JMY: variants seen among roughly 807,000 people sequenced by gnomAD.
JMY encodes the protein junction-mediating and -regulatory protein.
JMY carries 46 observed loss-of-function variants against 103.3 expected under a neutral mutation model. That is an observed-to-expected ratio of 0.45 (90% CI 0.35 to 0.57). The LOEUF (loss-of-function observed/expected upper bound fraction) is 0.57, where lower values mean the gene tolerates loss of function less well. Among genes scored for constraint, JMY ranks in the 20% least tolerant of loss-of-function variants. The pLI, the probability that JMY is intolerant of heterozygous loss-of-function variation, is 0.00. For missense variants in JMY, 1,238 were observed against 1,255.2 expected, an observed-to-expected ratio of 0.99 and a Z score of 0.21; for synonymous variants, 526 against 489.3, an observed-to-expected ratio of 1.07 and a Z score of -0.99.
In JMY at chr5:79,291,371, T is replaced by G; in HGVS notation, c.1527+72T>G. On this transcript the variant is annotated intron_variant, in intron 4 of 10. Transcript: ENST00000396137. ...GTCATTTTAATCTTTGCACAAGACA[T>G]TTTTTTGATTCGATAGGCAGTGATT... The G allele has an allele frequency of 7.5e-6, 10 of 1,329,968 alleles. No individual in the cohort carries two copies. In the South Asian group the frequency reaches 1.6e-4, roughly 21 times the overall value. The allele number at this position is 1,329,968 out of a possible 1,614,324, so 82.4% of individuals were successfully genotyped here.
intron 9 of JMY, among the ~76,000 whole-genome samples, chr5:79,315,465 A>G (rs575704218): frequency 1.1e-4 from 17 of 152,190 alleles, no homozygotes; most frequent in South Asian, 1.0e-3. Flanking sequence ...TGCATTTTGC[A>G]TGGGGAGAAC....
chr5:79,313,416 C>T (rs1294082037), intron 8 of JMY, among the ~76,000 whole-genome samples: 1 of 151,912 alleles, frequency 6.6e-6, no homozygotes, highest in African/African-American at 2.4e-5. Context: ...GAGACCCTGT[C>T]TCAAAAACAA....
intron 1 of JMY, among the ~76,000 whole-genome samples, chr5:79,271,232 A>G (rs770995411): frequency 2.7e-5 from 4 of 150,104 alleles, no homozygotes; most frequent in Non-Finnish European, 4.4e-5. Flanking sequence ...GAGTCTCGCT[A>G]TGTTGCTCAG....
At chr5:79,259,746 G>A (rs1286026898) in intron 1 of JMY, among the ~76,000 whole-genome samples, 1 of 152,246 alleles carries the variant, frequency 6.6e-6, no homozygotes, top group Non-Finnish European at 1.5e-5. Context: ...ACTTTGCCTT[G>A]TGAGTGGAAC....
rs1164128974 is a variant in JMY at position 79,236,600 on chromosome 5, C to CGGGCG, written c.-48_-44dup. 3.0e-6 allele frequency: 4 copies of CGGGCG among 1,319,938 alleles called. No homozygotes were observed. The highest frequency in any genetic ancestry group is 2.2e-5 in the South Asian group (1 of 46,502). 81.8% of individuals were successfully genotyped at this position (1,319,938 alleles called of 1,614,324 possible). ...CGCGGCGCAGCCAGCGGGGAGTCCT[C>CGGGCG]GGGCGGGCCGGGCCGGCGGCCCTTC... On this transcript the variant is annotated 5_prime_UTR_variant, in exon 1 of 11. Transcript: ENST00000396137.
chr5:79,308,111 T>G (rs1236320074), intron 7 of JMY, among the ~76,000 whole-genome samples: 2 of 152,320 alleles, frequency 1.3e-5, no homozygotes, highest in East Asian at 3.9e-4. Flanking sequence ...TATTTTGGCT[T>G]ACACTCCTTT....
Position 79,265,494 on chromosome 5 carries a change from A to G in JMY, c.1033-12416A>G, listed in dbSNP as rs555401572. ...TGTAACAAGTTCCTAGGTGACACCA[A>G]TGTTGCTGGTCCCAGACCATACTTT... On this transcript the variant is annotated intron_variant, in intron 1 of 10. Coordinates refer to ENST00000396137, the MANE Select transcript of JMY (RefSeq NM_152405.5). Among the ~76,000 whole-genome samples the G allele has an allele frequency of 7.2e-5, 11 of 152,258 alleles. No homozygotes were observed. The East Asian group carries it at 9.7e-4, about 13-fold the overall frequency.
intron 1 of JMY, among the ~76,000 whole-genome samples, chr5:79,253,077 G>GT (rs1426813085): frequency 6.6e-6 from 1 of 151,970 alleles, no homozygotes; most frequent in Non-Finnish European, 1.5e-5. Flanking sequence ...TCCATTGTAT[G>GT]TTTTTTATGT....
chr5:79,284,057 TTTTA>T (rs1264559256), intron 2 of JMY: 74 of 1,004,702 alleles, frequency 7.4e-5, no homozygotes, highest in Non-Finnish European at 9.4e-5. Context: ...ACTTTCTTTT[TTTTA>T]TTTTTTTATT....
chr5:79,264,121 G>C (rs1378934422), intron 1 of JMY, among the ~76,000 whole-genome samples: 1 of 151,672 alleles, frequency 6.6e-6, no homozygotes, highest in Non-Finnish European at 1.5e-5. Context: ...GTCTCACTCT[G>C]GTTGCCCAGG....
chr5:79,272,936 C>T (rs1241448928), intron 1 of JMY, among the ~76,000 whole-genome samples: 2 of 152,156 alleles, frequency 1.3e-5, no homozygotes, highest in African/African-American at 2.4e-5. Context: ...GCACCCAGCC[C>T]ATCTTATACT....
chr5:79,265,092 A>G (rs980711589), intron 1 of JMY, among the ~76,000 whole-genome samples: 2 of 151,876 alleles, frequency 1.3e-5, no homozygotes, highest in African/African-American at 4.8e-5. Context: ...TGCCTGGCTA[A>G]TTTTTTGTAT....
At chr5:79,320,109 A>G (rs1747400584) in intron 10 of JMY, among the ~76,000 whole-genome samples, 1 of 151,984 alleles carries the variant, frequency 6.6e-6, no homozygotes, top group African/African-American at 2.4e-5. Context: ...GTGAACTTTA[A>G]GTTTCAGGCC....
intron 1 of JMY, among the ~76,000 whole-genome samples, chr5:79,243,863 G>C (rs969186018): frequency 6.6e-6 from 1 of 152,122 alleles, no homozygotes; most frequent in Non-Finnish European, 1.5e-5. Flanking sequence ...CTAGTTTAGG[G>C]CTTCTATAAA....
At chr5:79,269,976 C>T (rs1745696074) in intron 1 of JMY, among the ~76,000 whole-genome samples, 1 of 151,980 alleles carries the variant, frequency 6.6e-6, no homozygotes. Flanking sequence ...AGTGATTCTC[C>T]TGCCTCTGCC....
At chr5:79,307,299 A>C (rs2112113193) in intron 7 of JMY, among the ~76,000 whole-genome samples, 1 of 152,188 alleles carries the variant, frequency 6.6e-6, no homozygotes, top group East Asian at 1.9e-4. Flanking sequence ...GTAAGAGTGT[A>C]TTTAGTTTTG....
chr5:79,262,980 T>G (rs983645009), intron 1 of JMY, among the ~76,000 whole-genome samples: 2 of 152,234 alleles, frequency 1.3e-5, no homozygotes, highest in Admixed American at 1.3e-4. Flanking sequence ...GTATTACATT[T>G]ACTTTATTGA....
At chr5:79,238,992 T>C (rs567419754) in intron 1 of JMY, among the ~76,000 whole-genome samples, 18 of 152,288 alleles carry the variant, frequency 1.2e-4, no homozygotes, top group African/African-American at 4.1e-4. Context: ...GTGTTTATAT[T>C]CCTAAGATTG....
At chr5:79,262,286 AT>A (rs1324332011) in intron 1 of JMY, among the ~76,000 whole-genome samples, 1 of 152,248 alleles carries the variant, frequency 6.6e-6, no homozygotes, top group African/African-American at 2.4e-5. Flanking sequence ...ATCCTAAATA[AT>A]TCGACTTTCT....
Sources: allele counts gnomAD v4.1 joint callset (sites outside exome capture counted in the v4.1 genomes callset), GRCh38; gene constraint gnomAD v4.1.1; transcripts MANE v1.5; gene names NCBI Gene and HGNC (gene_info 2026-07-23, HGNC 2026-07-21).